The following TRIM75 variants were observed in gnomAD, a reference collection of about 807,000 sequenced individuals.
TRIM75 encodes tripartite motif containing 75.
At chr4:165,060,210 G>GC in the TRIM75 span, 1 of 780,936 alleles carries the variant, frequency 1.3e-6, no homozygotes, top group Non-Finnish European at 2.4e-6. Context: ...GGAGATTGAA[G>GC]TGGGGGATAA....
At chr4:165,057,636 C>T in the TRIM75 span, among the ~76,000 whole-genome samples, 10 of 152,094 alleles carry the variant, frequency 6.6e-5, no homozygotes, top group East Asian at 9.7e-4. Flanking sequence ...TGGGTTCAAG[C>T]GATTCTCATG....
chr4:165,056,363 T>G, the TRIM75 span, among the ~76,000 whole-genome samples: 2 of 151,832 alleles, frequency 1.3e-5, no homozygotes, highest in African/African-American at 4.8e-5. Context: ...AGACTTGAGC[T>G]GAGGGATCCC....
the TRIM75 span, chr4:165,060,213 G>A: frequency 1.3e-6 from 1 of 780,828 alleles, no homozygotes; most frequent in East Asian, 2.4e-5. Flanking sequence ...GATTGAAGTG[G>A]GGGATAAGTC....
chr4:165,060,138 A>G, the TRIM75 span: 26 of 780,864 alleles, frequency 3.3e-5, no homozygotes, highest in Middle Eastern at 2.2e-4. Context: ...TTTCCCAAAA[A>G]GATTTACAGT....
the TRIM75 span, among the ~76,000 whole-genome samples, chr4:165,057,911 C>T: frequency 6.6e-6 from 1 of 152,146 alleles, no homozygotes; most frequent in African/African-American, 2.4e-5. Context: ...GAGCATGTTC[C>T]CATACATTGG....
the TRIM75 span, chr4:165,059,969 T>C: frequency 4.8e-5 from 37 of 778,812 alleles, no homozygotes; most frequent in African/African-American, 5.7e-4. Flanking sequence ...TAAAGAGAGA[T>C]GGCTGCAGTT....
chr4:165,054,705 G>C, the TRIM75 span, among the ~76,000 whole-genome samples: 3 of 152,100 alleles, frequency 2.0e-5, no homozygotes, highest in African/African-American at 7.2e-5. Context: ...TGCGGCATAA[G>C]GTTATTTTAA....
At chr4:165,059,097 T>C in the TRIM75 span, 1 of 698,334 alleles carries the variant, frequency 1.4e-6, no homozygotes, top group South Asian at 1.7e-5. Flanking sequence ...CCCACAGAAC[T>C]CAACCTCTTG....
At chr4:165,055,803 C>A in the TRIM75 span, among the ~76,000 whole-genome samples, 1 of 152,010 alleles carries the variant, frequency 6.6e-6, no homozygotes, top group Non-Finnish European at 1.5e-5. Flanking sequence ...AAGAAGTATG[C>A]TAGGCGTGGT....
At chr4:165,054,316 C>A in the TRIM75 span, among the ~76,000 whole-genome samples, 95 of 140,740 alleles carry the variant, frequency 6.8e-4, no homozygotes, top group African/African-American at 2.4e-3. Context: ...GTTGCCCAGG[C>A]TGGAGTGCAG....
the TRIM75 span, chr4:165,060,012 A>G: frequency 2.6e-6 from 2 of 773,194 alleles, no homozygotes; most frequent in Admixed American, 1.8e-5. Context: ...GCAGAGAATT[A>G]TAAAGAAATT....
chr4:165,054,365 T>C, the TRIM75 span, among the ~76,000 whole-genome samples: 1 of 151,404 alleles, frequency 6.6e-6, no homozygotes, highest in Admixed American at 6.6e-5. Context: ...CCTCCCAGGT[T>C]CAAGTGATTC....
At chr4:165,056,842 C>T in the TRIM75 span, among the ~76,000 whole-genome samples, 6 of 152,068 alleles carry the variant, frequency 3.9e-5, no homozygotes, top group African/African-American at 1.4e-4. Flanking sequence ...GTCTCAAACT[C>T]CTGACCTCAG....
At chr4:165,054,562 T>C in the TRIM75 span, among the ~76,000 whole-genome samples, 5 of 152,128 alleles carry the variant, frequency 3.3e-5, no homozygotes, top group Admixed American at 6.5e-5. Flanking sequence ...CCACCGTGCC[T>C]GGCCCATTTT....
chr4:165,057,890 G>T, the TRIM75 span, among the ~76,000 whole-genome samples: 1 of 152,104 alleles, frequency 6.6e-6, no homozygotes, highest in South Asian at 2.1e-4. Context: ...TTGCTTCTAT[G>T]CTCGTTTGGA....
At chr4:165,056,083 C>T in the TRIM75 span, among the ~76,000 whole-genome samples, 1 of 151,950 alleles carries the variant, frequency 6.6e-6, no homozygotes, top group Non-Finnish European at 1.5e-5. Flanking sequence ...CACCCATCAA[C>T]ACCCAGTTAA....
At chr4:165,059,184 G>C in the TRIM75 span, 3 of 779,964 alleles carry the variant, frequency 3.8e-6, no homozygotes, top group Admixed American at 1.7e-5. Flanking sequence ...ACTCCAAGCA[G>C]AAGCTAAGTG....
At chr4:165,057,038 T>TA in the TRIM75 span, among the ~76,000 whole-genome samples, 9 of 152,334 alleles carry the variant, frequency 5.9e-5, no homozygotes, top group African/African-American at 1.2e-4. Context: ...CGCTTTTTTT[T>TA]ATCCTAGGAT....
chr4:165,057,317 CTGAG>C, the TRIM75 span, among the ~76,000 whole-genome samples: 2 of 151,984 alleles, frequency 1.3e-5, no homozygotes, highest in East Asian at 3.9e-4. Context: ...TGAGATCAGA[CTGAG>C]TGACATGGCA....
Sources: allele counts gnomAD v4.1 joint callset (sites outside exome capture counted in the v4.1 genomes callset), GRCh38; gene constraint gnomAD v4.1.1; transcripts MANE v1.5; gene names NCBI Gene and HGNC (gene_info 2026-07-23, HGNC 2026-07-21).